The following CACUL1 variants were observed in gnomAD, a reference collection of about 807,000 sequenced individuals.
The protein encoded by CACUL1 is CDK2-associated and cullin domain-containing protein 1.
Under a neutral mutation model 45.2 loss-of-function variants are expected in CACUL1, and 13 were observed. The ratio of observed to expected loss-of-function variants is 0.29; its 90% CI spans 0.19 to 0.46. The LOEUF (loss-of-function observed/expected upper bound fraction) is 0.46, where lower values mean the gene tolerates loss of function less well. CACUL1 is among the 20% of genes least tolerant of loss of function. CACUL1 has a pLI of 1.00. For missense variants in CACUL1, 421 were observed against 471.4 expected (o/e 0.89, Z 0.99); for synonymous variants, 197 against 174.2 (o/e 1.13, Z -1.03).
At chr10:118,726,246 C>G (rs998931181) in intron 3 of CACUL1, 14 of 1,071,324 alleles carry the variant, frequency 1.3e-5, no homozygotes, top group Non-Finnish European at 1.6e-5. Context: ...AGGCCACACA[C>G]ATCACACTGA....
intron 3 of CACUL1, among the ~76,000 whole-genome samples, chr10:118,725,548 A>G (rs1304538982): frequency 2.6e-5 from 4 of 152,232 alleles, no homozygotes; most frequent in Non-Finnish European, 5.9e-5. Flanking sequence ...GATACTGTTC[A>G]CAATTTTGAA....
intron 3 of CACUL1, among the ~76,000 whole-genome samples, chr10:118,716,970 T>C (rs1008239884): frequency 6.6e-6 from 1 of 152,166 alleles, no homozygotes; most frequent in African/African-American, 2.4e-5. Context: ...TCAGGAACAA[T>C]GGTACATTTC....
chr10:118,681,110 T>C lies in CACUL1; in HGVS notation c.*5018A>G, dbSNP rs1191107363. ...AAGAGCCAAAGTCAGTGGCTTTGTA[T>C]CCCAGGTCAATAGGAGTTTCATCCG... On this transcript the variant is annotated 3_prime_UTR_variant, in exon 9 of 9. Coordinates refer to ENST00000369151, the MANE Select transcript of CACUL1 (RefSeq NM_153810.5). 6.6e-6 allele frequency: 1 copy of C among 152,230 alleles called. No individual in the cohort carries two copies. Among genetic ancestry groups the C allele is most frequent in the Admixed American group, 6.5e-5 (1 of 15,286 alleles). The allele number at this position is 152,230 out of a possible 1,614,324, so 9.4% of individuals were successfully genotyped here.
At position 118,686,622 on chromosome 10, in the gene CACUL1, T is replaced by G; in HGVS notation, c.1045A>C (p.Arg349=). The part of the protein sequence containing the change: ...GFTRGDQSRK[R]AGDELAYNSS... ...CTATAAGCCAACTCATCCCCAGCTC[T>G]CTTCCGGGACTGGTCACCCCTGGGG... The change falls in exon 8 of 9, where the codon AGA becomes CGA. Residue 349 remains arginine (R), a synonymous_variant. Coordinates refer to ENST00000369151, the MANE Select transcript of CACUL1 (RefSeq NM_153810.5). 1 of 1,613,524 alleles carries G rather than the reference T, an allele frequency of 6.2e-7. No individual in the cohort carries two copies. Among genetic ancestry groups the G allele is most frequent in the South Asian group, 1.1e-5 (1 of 91,060 alleles).
intron 1 of CACUL1, among the ~76,000 whole-genome samples, chr10:118,747,160 T>C (rs1011412178): frequency 5.9e-5 from 9 of 152,080 alleles, no homozygotes; most frequent in Non-Finnish European, 5.9e-5. Context: ...CACAGAAAAA[T>C]TGTCTCTTCC....
Position 118,754,534 on chromosome 10 carries a change from C to T in CACUL1, c.229G>A (p.Gly77Arg), listed in dbSNP as rs765117128. The change falls in exon 1 of 9, where the codon GGG becomes AGG. Residue 77 changes from glycine to arginine, a missense_variant. Transcript: ENST00000369151. ...TTAGCCTCCGGCGGTGGCTGCGGCC[C>T]CATCGGGAGCCCCTCCTTGGGGCCT... ...RKGPKEGLPM[G>R]PQPPPEANGV... is the part of the protein sequence containing the mutation. 2.3e-5 allele frequency: 37 copies of T among 1,612,882 alleles called. 1 individual carries two copies. The South Asian group carries it at 4.1e-4, about 18-fold the overall frequency.
Position 118,718,958 on chromosome 10 carries a change from C to A in CACUL1, c.597+10337G>T, listed in dbSNP as rs1226477440. Among the ~76,000 whole-genome samples the A allele has an allele frequency of 5.9e-5, 9 of 152,146 alleles. No homozygotes were observed. The East Asian group carries it at 1.7e-3, about 29-fold the overall frequency. On this transcript the variant is annotated intron_variant, in intron 3 of 8. Transcript: ENST00000369151. ...ACAATGTCCAACATTCAATAAAAAACTAAGACCAAAAAAACAAAAACACAG... is the reference window on the plus strand; with the variant it reads ...ACAATGTCCAACATTCAATAAAAAAATAAGACCAAAAAAACAAAAACACAG...
At chr10:118,742,707 A>T (rs1404786112) in intron 1 of CACUL1, among the ~76,000 whole-genome samples, 1 of 152,168 alleles carries the variant, frequency 6.6e-6, no homozygotes, top group Non-Finnish European at 1.5e-5. Flanking sequence ...CCATGATATT[A>T]CCTGAAACCT....
At chr10:118,707,215 C>T (rs1407773780) in intron 4 of CACUL1, among the ~76,000 whole-genome samples, 1 of 152,218 alleles carries the variant, frequency 6.6e-6, no homozygotes, top group Non-Finnish European at 1.5e-5. Context: ...GTGCCTTCCA[C>T]ATAGCAGAAA....
At position 118,691,305 on chromosome 10, in the gene CACUL1, G is replaced by C. The variant is rs1845263271; in HGVS notation, c.985C>G (p.Gln329Glu). 1 of 1,613,422 alleles carries C rather than the reference G, an allele frequency of 6.2e-7. No homozygotes were observed. Among genetic ancestry groups the C allele is most frequent in the Non-Finnish European group, 8.5e-7 (1 of 1,179,586 alleles). ...SELSEYAAQD[Q>E]KFQRELIQNG... ...TGTATAAGTTCTCTTTGAAATTTCT[G>C]ATCTTGAGCAGCATATTCAGAAAGT... is the stretch of plus-strand genomic sequence containing the variant. The change falls in exon 7 of 9, where the codon CAG becomes GAG. Residue 329 changes from glutamine (Q) to glutamate (E), a missense_variant. By Grantham distance (29) the Gln-to-Glu change is conservative (BLOSUM62 2). Around this residue, in one of 2 missense-constraint regions of CACUL1, gnomAD observed 208 missense variants for 298.4 expected, o/e 0.70. Transcript: ENST00000369151.
At chr10:118,701,250 GAAAAA>G in intron 5 of CACUL1, 51 bp downstream of exon 5, 1 of 985,510 alleles carries the variant, frequency 1.0e-6, no homozygotes. Flanking sequence ...AAAAAAAAAA[GAAAAA>G]GGAAAGATCA....
intron 1 of CACUL1, among the ~76,000 whole-genome samples, chr10:118,737,704 A>C (rs1157840147): frequency 6.6e-6 from 1 of 152,038 alleles, no homozygotes; most frequent in Non-Finnish European, 1.5e-5. Flanking sequence ...AAAAAAAAAA[A>C]AACCTAGCTG....
In CACUL1 at chr10:118,680,585, T is replaced by TA. The variant is rs1845143164; in HGVS notation, c.*5542dup. 1 of 151,988 alleles carries TA rather than the reference T, an allele frequency of 6.6e-6. No homozygotes were observed. The allele number at this position is 151,988 out of a possible 1,614,324, so 9.4% of individuals were successfully genotyped here. ...CATAGCAAGAAAACACAAAGGGTTATAAAAAAGCATAGTACCAATAAATGC... is the reference window on the plus strand; with the variant it reads ...CATAGCAAGAAAACACAAAGGGTTATAAAAAAAGCATAGTACCAATAAATGC... On this transcript the variant is annotated 3_prime_UTR_variant, in exon 9 of 9. Transcript: ENST00000369151.
At chr10:118,694,357 G>A (rs1046739254) in intron 6 of CACUL1, among the ~76,000 whole-genome samples, 5 of 152,200 alleles carry the variant, frequency 3.3e-5, no homozygotes, top group African/African-American at 7.2e-5. Context: ...GGTACTGTGC[G>A]TTAAGCTCTT....
At chr10:118,694,767 A>G (rs1195140492) in intron 6 of CACUL1, among the ~76,000 whole-genome samples, 1 of 152,232 alleles carries the variant, frequency 6.6e-6, no homozygotes, top group Non-Finnish European at 1.5e-5. Context: ...GATTCTTCGC[A>G]AGTTACTTAA....
chr10:118,717,043 G>A (rs1310352499), intron 3 of CACUL1, among the ~76,000 whole-genome samples: 1 of 152,162 alleles, frequency 6.6e-6, no homozygotes, highest in Non-Finnish European at 1.5e-5. Flanking sequence ...TGGTAATGAC[G>A]CAGATTCCTT....
At chr10:118,709,609 A>C (rs571165504) in intron 3 of CACUL1, among the ~76,000 whole-genome samples, 1 of 152,350 alleles carries the variant, frequency 6.6e-6, no homozygotes, top group East Asian at 1.9e-4. Context: ...CAGCTTATCA[A>C]TCATATCTTA....
rs1008240821 is a variant in CACUL1 at position 118,679,832 on chromosome 10, T to A, written c.*6296A>T. The A allele has an allele frequency of 1.3e-5, 2 of 152,002 alleles. No homozygotes were observed. The highest frequency in any genetic ancestry group is 2.9e-5 in the Non-Finnish European group (2 of 68,014). 9.4% of individuals were successfully genotyped at this position (152,002 alleles called of 1,614,324 possible). On this transcript the variant is annotated 3_prime_UTR_variant, in exon 9 of 9. Transcript: ENST00000369151. Reference sequence around the variant, plus strand: ...CCATGCTCGGCCCTAATTTAAAAAATTTTTTTGTAGAGATGGGGTTCTGTG... The same window carrying A: ...CCATGCTCGGCCCTAATTTAAAAAAATTTTTTGTAGAGATGGGGTTCTGTG...
chr10:118,712,691 G>GC (rs1160397513), intron 3 of CACUL1, among the ~76,000 whole-genome samples: 2 of 152,228 alleles, frequency 1.3e-5, no homozygotes, highest in African/African-American at 4.8e-5. Flanking sequence ...GCTCCTCTCT[G>GC]CAGCTGGTCG....
Sources: allele counts gnomAD v4.1 joint callset (sites outside exome capture counted in the v4.1 genomes callset), GRCh38; gene constraint gnomAD v4.1.1; regional missense constraint gnomAD v4.1.1; transcripts MANE v1.5; gene names NCBI Gene and HGNC (gene_info 2026-07-23, HGNC 2026-07-21).